The following AIRE variants were observed in gnomAD, a reference collection of about 807,000 sequenced individuals.
The protein encoded by AIRE is autoimmune regulator, also known as autoimmune polyendocrinopathy candidiasis ectodermal dystrophy protein.
A neutral mutation model predicts 62.1 loss-of-function variants in AIRE; 52 were observed. The observed-to-expected ratio is 0.84, with a 90% confidence interval of 0.67 to 1.06. The LOEUF (loss-of-function observed/expected upper bound fraction) is 1.06, where lower values mean the gene tolerates loss of function less well. Among genes scored for constraint, AIRE ranks in the 50% least tolerant of loss-of-function variants. The pLI is 0.00. For missense variants in AIRE, 774 were observed against 755.8 expected, an observed-to-expected ratio of 1.02 and a Z score of -0.28; for synonymous variants, 342 against 321.6, an observed-to-expected ratio of 1.06 and a Z score of -0.68.
chr21:44,288,917 C>T lies in AIRE; in HGVS notation c.652+459C>T, dbSNP rs139268532. On this transcript the variant is annotated intron_variant, in intron 5 of 13. Transcript: ENST00000291582. ...CCAGCCGCTGACCCCATGCAATCAC[C>T]AGTGCCATCTGACCAGGGCACAGCA... 127 of 186,082 alleles carry T rather than the reference C, an allele frequency of 6.8e-4. 1 individual carries two copies. In the East Asian group the frequency reaches 0.016, roughly 24 times the overall value. The allele number at this position is 186,082 out of a possible 1,614,324, so 11.5% of individuals were successfully genotyped here.
intron 12 of AIRE, among the ~76,000 whole-genome samples, chr21:44,295,906 C>T (rs1057513607): frequency 1.8e-4 from 28 of 152,024 alleles, no homozygotes; most frequent in African/African-American, 6.5e-4. Flanking sequence ...TTTGGGGCCA[C>T]AAATGGGGAA....
At position 44,287,109 on chromosome 21, in the gene AIRE, A is replaced by T; in HGVS notation, c.439A>T (p.Thr147Ser). 1 of 1,611,928 alleles carries T rather than the reference A, an allele frequency of 6.2e-7. No individual in the cohort carries two copies. Among genetic ancestry groups the T allele is most frequent in the Non-Finnish European group, 8.5e-7 (1 of 1,179,776 alleles). ...TCGAGCTGCCGCGCCAGCAGCCCTGACTCCAAGGGGCACCGCCAGCCCAGG... is the reference window on the plus strand; with the variant it reads ...TCGAGCTGCCGCGCCAGCAGCCCTGTCTCCAAGGGGCACCGCCAGCCCAGG... ...EARAAAPAALTPRGTASPGSQ... is the reference protein window; with the variant it reads ...EARAAAPAALSPRGTASPGSQ... Residue 147 changes from threonine (T) to serine (S), a missense_variant, in exon 3 of 14, where the codon ACT becomes TCT. Physicochemically the swap from Thr to Ser is moderately conservative, Grantham distance 58. Transcript: ENST00000291582. This position sits in a 1 kb window ranked among gnomAD's most constrained non-coding sequence, Gnocchi z 4.3.
In AIRE at chr21:44,287,193, G is replaced by T; in HGVS notation, c.463+60G>T. On this transcript the variant is annotated intron_variant, in intron 3 of 13. Transcript: ENST00000291582. The surrounding 1 kb of genome is among the most constrained non-coding windows in gnomAD (Gnocchi z 4.3). ...CCAGTCTTCCCGGGCTTCCCCGGGA[G>T]CCCACGCCCCCTCCCCACCCGGGCT... The T allele has an allele frequency of 6.3e-7, 1 of 1,593,742 alleles. No individual in the cohort carries two copies. The highest frequency in any genetic ancestry group is 1.1e-5 in the South Asian group (1 of 90,424).
In AIRE at chr21:44,292,544, C is replaced by T; in HGVS notation, c.1095+143C>T. The T allele has an allele frequency of 4.7e-6, 3 of 644,182 alleles. No homozygotes were observed. In the South Asian group the frequency reaches 5.4e-5, roughly 12 times the overall value. 39.9% of individuals were successfully genotyped at this position (644,182 alleles called of 1,614,324 possible). ...TGCCCCAGCCATAGCACTATGTCCC[C>T]CATGCCCAAGCCCGGTCCTTGTGGT... is the stretch of plus-strand genomic sequence containing the variant. On this transcript the variant is annotated intron_variant, in intron 9 of 13. Transcript: ENST00000291582.
At position 44,297,960 on chromosome 21, in the gene AIRE, G is replaced by T; in HGVS notation, c.*233G>T. ...GTCCCCGGGAGCCTCTCCTTGCCTG[G>T]TGACCTACTAAAAATATAAAAATTA... On this transcript the variant is annotated 3_prime_UTR_variant, in exon 14 of 14. Transcript: ENST00000291582. This position sits in a 1 kb window ranked among gnomAD's most constrained non-coding sequence, Gnocchi z 4.8. 1.9e-6 allele frequency: 1 copy of T among 533,298 alleles called. No homozygotes were observed. The highest frequency in any genetic ancestry group is 3.1e-5 in the Admixed American group (1 of 32,274). 33.0% of individuals were successfully genotyped at this position (533,298 alleles called of 1,614,324 possible).
At chr21:44,293,752 G>T in intron 10 of AIRE, 37 bp from the exon 11 acceptor site, 1 of 1,594,960 alleles carries the variant, frequency 6.3e-7, no homozygotes, top group Non-Finnish European at 8.5e-7. Context: ...CATTTCCCCC[G>T]GCCCCCCGCG....
Position 44,287,272 on chromosome 21 carries a change from G to T in AIRE, c.463+139G>T. 9.5e-7 allele frequency: 1 copy of T among 1,052,016 alleles called. No homozygotes were observed. The highest frequency in any genetic ancestry group is 1.4e-6 in the Non-Finnish European group (1 of 722,000). The allele number at this position is 1,052,016 out of a possible 1,614,324, so 65.2% of individuals were successfully genotyped here. On this transcript the variant is annotated intron_variant, in intron 3 of 13. Coordinates refer to ENST00000291582, the MANE Select transcript of AIRE (RefSeq NM_000383.4). The surrounding 1 kb of genome is among the most constrained non-coding windows in gnomAD (Gnocchi z 4.3). ...CCTGGGGCTGTGGGGGTCTCCTCTG[G>T]GTACTAGACCCACACACTGGACCAG...
chr21:44,290,552 G>A, intron 7 of AIRE: 2 of 786,158 alleles, frequency 2.5e-6, no homozygotes, highest in Non-Finnish European at 3.1e-6. Flanking sequence ...GTCCTGCCCT[G>A]CAGGAGCACC....
rs2040484750 is a variant in AIRE, at chr21:44,286,606, C to T, written c.182C>T (p.Ala61Val). ...EKEGCPQAFH[A>V]LLSWLLTQDS... ...GAGGGCTGCCCCCAGGCCTTCCACG[C>T]CCTCCTGTCCTGGCTGCTGACCCAG... is the stretch of plus-strand genomic sequence containing the variant. The change falls in exon 2 of 14, where the codon GCC becomes GTC. Residue 61 changes from alanine to valine, a missense_variant. Around this residue, in one of 3 missense-constraint regions of AIRE, gnomAD observed 385 missense variants for 396.0 expected, o/e 0.97. Transcript: ENST00000291582. The surrounding 1 kb of genome is among the most constrained non-coding windows in gnomAD (Gnocchi z 6.0). 2 of 1,612,920 alleles carry T rather than the reference C, an allele frequency of 1.2e-6. No homozygotes were observed. Among genetic ancestry groups the T allele is most frequent in the East Asian group, 4.5e-5 (2 of 44,874 alleles).
rs992367191 is a variant in AIRE at position 44,292,422 on chromosome 21, A to G, written c.1095+21A>G. 3 of 1,520,012 alleles carry G rather than the reference A, an allele frequency of 2.0e-6. No individual in the cohort carries two copies. The African/African-American group carries it at 4.2e-5, about 21-fold the overall frequency. 94.2% of individuals were successfully genotyped at this position (1,520,012 alleles called of 1,614,324 possible). A position where few individuals can be genotyped will look rare whatever the true frequency, so the allele number is the denominator to read the frequency against. ...CCCCGGTATGGCCACGCCCCCTCCT[A>G]GCCGGGCCACCCCTCCTGTCCACAT... On this transcript the variant is annotated intron_variant, in intron 9 of 13. Transcript: ENST00000291582.
In AIRE at chr21:44,296,451, GC is replaced by G. The variant is rs756443807; in HGVS notation, c.1566+8del. ...TGGAGTCCCTTCTGAGCGAGGTAAC[GC>G]CTCCCCTGGCCTCCTGGTGCTCCTC... On this transcript the variant is annotated splice_region_variant and intron_variant, in intron 13 of 13. Transcript: ENST00000291582. 1 of 1,610,628 alleles carries G rather than the reference GC, an allele frequency of 6.2e-7. No individual in the cohort carries two copies. Among genetic ancestry groups the G allele is most frequent in the Non-Finnish European group, 8.5e-7 (1 of 1,178,168 alleles).
chr21:44,289,344 C>T, intron 5 of AIRE: 1 of 416,214 alleles, frequency 2.4e-6, no homozygotes. Flanking sequence ...TTTATAAGGA[C>T]ACCAGTCATT....
At position 44,287,200 on chromosome 21, in the gene AIRE, C is replaced by A; in HGVS notation, c.463+67C>A. ...TCCCGGGCTTCCCCGGGAGCCCACG[C>A]CCCCTCCCCACCCGGGCTCCCACCC... On this transcript the variant is annotated intron_variant, in intron 3 of 13. Coordinates refer to ENST00000291582, the MANE Select transcript of AIRE (RefSeq NM_000383.4). This position sits in a 1 kb window ranked among gnomAD's most constrained non-coding sequence, Gnocchi z 4.3. 6.3e-7 allele frequency: 1 copy of A among 1,585,050 alleles called. No homozygotes were observed. The highest frequency in any genetic ancestry group is 8.6e-7 in the Non-Finnish European group (1 of 1,164,920).
Position 44,287,620 on chromosome 21 carries a change from C to A in AIRE, c.538+29C>A. The A allele has an allele frequency of 6.5e-7, 1 of 1,543,578 alleles. No homozygotes were observed. Among genetic ancestry groups the A allele is most frequent in the South Asian group, 1.2e-5 (1 of 83,970 alleles). ...AGCGGGGCCCAGTGGGAGCGCCTCC[C>A]TTCTCCCTGGCCAGGGGCAAGGGGT... On this transcript the variant is annotated intron_variant, in intron 4 of 13. Transcript: ENST00000291582. This position sits in a 1 kb window ranked among gnomAD's most constrained non-coding sequence, Gnocchi z 4.3.
chr21:44,294,439 C>T lies in AIRE; in HGVS notation c.1439C>T (p.Thr480Ile). ...TGCAGATCCTGCTCAGGAGACGTGACCCCAGCCCCTGTGGAGGGGGTGCTG... is the reference window on the plus strand; with the variant it reads ...TGCAGATCCTGCTCAGGAGACGTGATCCCAGCCCCTGTGGAGGGGGTGCTG... The part of the protein sequence containing the change: ...LRCRSCSGDV[T>I]PAPVEGVLAP... Residue 480 changes from threonine (T) to isoleucine (I), a missense_variant, in exon 12 of 14, where the codon ACC becomes ATC. Physicochemically the swap from Thr to Ile is moderately conservative, Grantham distance 89. This residue lies in a region of AIRE where 354 missense variants were observed against 296.1 expected (regional missense o/e 1.20). Transcript: ENST00000291582. 6.3e-7 allele frequency: 1 copy of T among 1,577,094 alleles called. No individual in the cohort carries two copies. The highest frequency in any genetic ancestry group is 1.1e-5 in the South Asian group (1 of 87,070).
chr21:44,288,218 C>T, intron 4 of AIRE, 127 bp from the exon 5 acceptor site: 1 of 786,956 alleles, frequency 1.3e-6, no homozygotes, highest in African/African-American at 1.7e-5. Context: ...GGCTGGGTCC[C>T]CTCCTTGGCC....
At chr21:44,293,259 G>T (rs2040563106) in intron 10 of AIRE, 84 bp downstream of exon 10, 3 of 1,399,772 alleles carry the variant, frequency 2.1e-6, no homozygotes, top group Non-Finnish European at 2.8e-6. Flanking sequence ...AACAGGAGGA[G>T]AGGGAGGCCA....
intron 9 of AIRE, among the ~76,000 whole-genome samples, 160 bp from the exon 10 acceptor site, chr21:44,292,831 TCA>T (rs2040556568): frequency 6.6e-6 from 1 of 151,968 alleles, no homozygotes; most frequent in Admixed American, 6.5e-5. Context: ...CCTTTCCCAC[TCA>T]GTGTGGACGC....
Position 44,289,731 on chromosome 21 carries a change from A to G in AIRE, c.727A>G (p.Lys243Glu), listed in dbSNP as rs2040517102. 1 of 1,612,808 alleles carries G rather than the reference A, an allele frequency of 6.2e-7. No individual in the cohort carries two copies. Among genetic ancestry groups the G allele is most frequent in the Non-Finnish European group, 8.5e-7 (1 of 1,179,980 alleles). ...CAAGTTCGAAGACTCCGGCAGTGGGAAGAACAAGGCCCGCAGCAGCAGTGG... is the reference window on the plus strand; with the variant it reads ...CAAGTTCGAAGACTCCGGCAGTGGGGAGAACAAGGCCCGCAGCAGCAGTGG... ...PSKFEDSGSG[K>E]NKARSSSGPK... The change falls in exon 6 of 14, where the codon AAG (lysine) becomes GAG (glutamate). Residue 243 changes from lysine (K) to glutamate (E), a missense_variant. Lys to Glu is a moderately conservative substitution (Grantham distance 56). Coordinates refer to ENST00000291582, the MANE Select transcript of AIRE (RefSeq NM_000383.4).
Sources: gnomAD v4.1 joint callset for allele counts (sites outside exome capture counted in the v4.1 genomes callset) on GRCh38, gnomAD v4.1.1 for gene constraint, gnomAD v4.1.1 regional missense constraint, Gnocchi (gnomAD v3.1) non-coding constraint, MANE v1.5 for transcripts, NCBI Gene and HGNC (gene_info 2026-07-23, HGNC 2026-07-21) for gene names.